ELMOD2: variants seen among roughly 807,000 people sequenced by gnomAD.
ELMOD2 encodes the protein ELMO domain-containing protein 2.
Under a neutral mutation model 41.0 loss-of-function variants are expected in ELMOD2, and 28 were observed. The ratio of observed to expected loss-of-function variants is 0.68; its 90% CI spans 0.51 to 0.94. ELMOD2 has a LOEUF of 0.94. Ranked by LOEUF, ELMOD2 falls within the 40% of genes least tolerant of loss-of-function variation. The pLI, the probability that ELMOD2 is intolerant of heterozygous loss-of-function variation, is 0.00. For missense variants in ELMOD2, 333 were observed against 343.1 expected, an observed-to-expected ratio of 0.97 and a Z score of 0.23; for synonymous variants, 106 against 107.2, an observed-to-expected ratio of 0.99 and a Z score of 0.07.
intron 3 of ELMOD2, among the ~76,000 whole-genome samples, chr4:140,534,103 C>T (rs1734834972): frequency 6.6e-6 from 1 of 151,798 alleles, no homozygotes; most frequent in South Asian, 2.1e-4. Context: ...ATATATTTAC[C>T]AAAAGTATAA....
chr4:140,538,988 A>T (rs1284645252), intron 5 of ELMOD2, among the ~76,000 whole-genome samples: 1 of 152,212 alleles, frequency 6.6e-6, no homozygotes, highest in Non-Finnish European at 1.5e-5. Context: ...TGCAGAATTC[A>T]TGGAGAGAGG....
intron 3 of ELMOD2, among the ~76,000 whole-genome samples, chr4:140,532,331 T>G (rs1408690447): frequency 1.3e-5 from 2 of 152,032 alleles, no homozygotes; most frequent in African/African-American, 2.4e-5. Context: ...CATGCCTGGC[T>G]AATTTTTGTA....
At chr4:140,549,224 T>A (rs1200326803) in intron 8 of ELMOD2, among the ~76,000 whole-genome samples, 1 of 152,196 alleles carries the variant, frequency 6.6e-6, no homozygotes, top group Non-Finnish European at 1.5e-5. Flanking sequence ...TGTTATTTTT[T>A]AAAAATTGAC....
intron 5 of ELMOD2, among the ~76,000 whole-genome samples, chr4:140,539,791 G>C (rs1234256558): frequency 6.6e-6 from 1 of 151,954 alleles, no homozygotes; most frequent in Non-Finnish European, 1.5e-5. Flanking sequence ...TTTTCATTCT[G>C]ATTAGGGACT....
chr4:140,543,180 CT>C lies in ELMOD2; in HGVS notation c.603-272del, dbSNP rs571603345. Among the ~76,000 whole-genome samples, 22 of 152,034 alleles carry C rather than the reference CT, an allele frequency of 1.4e-4. No homozygotes were observed. The South Asian group carries it at 2.3e-3, about 16-fold the overall frequency. The stretch of plus-strand genomic sequence containing the variant: ...ATGAGATTTGGTGTCTATAGTCCCC[CT>C]GACCCCTTTTTTATTTAAGAATTTT... On this transcript the variant is annotated intron_variant, in intron 7 of 8. Coordinates refer to ENST00000323570, the MANE Select transcript of ELMOD2 (RefSeq NM_153702.4).
At chr4:140,534,335 A>T (rs1372325024) in intron 3 of ELMOD2, among the ~76,000 whole-genome samples, 1 of 152,180 alleles carries the variant, frequency 6.6e-6, no homozygotes, top group Non-Finnish European at 1.5e-5. Flanking sequence ...GATTCCATTT[A>T]TGGGCATACA....
chr4:140,553,135 C>T lies in ELMOD2; in HGVS notation c.*2760C>T, dbSNP rs186368938. 2.6e-5 allele frequency: 4 copies of T among 152,234 alleles called. No homozygotes were observed. The highest frequency in any genetic ancestry group is 1.3e-4 in the Admixed American group (2 of 15,286). 9.4% of individuals were successfully genotyped at this position (152,234 alleles called of 1,614,324 possible). A position where few individuals can be genotyped will look rare whatever the true frequency, so the allele number is the denominator to read the frequency against. ...TACTATAATTGCTCATGCACTCTTT[C>T]TCCCCTTTGAGAACATTCAGTGAAA... is the stretch of plus-strand genomic sequence containing the variant. On this transcript the variant is annotated 3_prime_UTR_variant, in exon 9 of 9. Transcript: ENST00000323570.
intron 4 of ELMOD2, among the ~76,000 whole-genome samples, chr4:140,536,907 T>TA (rs894626378): frequency 6.6e-6 from 1 of 152,128 alleles, no homozygotes; most frequent in African/African-American, 2.4e-5. Context: ...GATCTTTTGA[T>TA]ACATTGTGAT....
intron 3 of ELMOD2, 57 bp downstream of exon 3, chr4:140,527,551 T>TA (rs752751672): frequency 0.1 from 106,956 of 1,058,172 alleles, 14 homozygotes; most frequent in South Asian, 0.13. Context: ...TATTTTTTCT[T>TA]AAAAAAAAAA....
rs1336465937 is a variant in ELMOD2, at chr4:140,551,900, C to T, written c.*1525C>T. ...AAAGTGCTTGCGTTAAAATTAGTTT[C>T]TCAATAAGATAAAATTATTTTAAAA... On this transcript the variant is annotated 3_prime_UTR_variant, in exon 9 of 9. Coordinates refer to ENST00000323570, the MANE Select transcript of ELMOD2 (RefSeq NM_153702.4). 1 of 151,946 alleles carries T rather than the reference C, an allele frequency of 6.6e-6. No homozygotes were observed. Among genetic ancestry groups the T allele is most frequent in the African/African-American group, 2.4e-5 (1 of 41,418 alleles). The allele number at this position is 151,946 out of a possible 1,614,324, so 9.4% of individuals were successfully genotyped here.
At chr4:140,534,845 C>G (rs1010727020) in intron 3 of ELMOD2, among the ~76,000 whole-genome samples, 59 of 152,100 alleles carry the variant, frequency 3.9e-4, no homozygotes, top group Non-Finnish European at 2.9e-5. Flanking sequence ...GTAGGTAACT[C>G]TAGGGCTGGG....
intron 5 of ELMOD2, among the ~76,000 whole-genome samples, chr4:140,538,325 G>T (rs189185576): frequency 9.2e-5 from 14 of 152,240 alleles, no homozygotes; most frequent in Admixed American, 5.2e-4. Context: ...AGAAAATAGC[G>T]CATTGCAGTT....
intron 3 of ELMOD2, among the ~76,000 whole-genome samples, chr4:140,529,483 T>G (rs78612071): frequency 4.0e-4 from 61 of 152,294 alleles, no homozygotes; most frequent in African/African-American, 1.3e-3. Flanking sequence ...AGTAGTGTGT[T>G]CCTCCAAATA....
At chr4:140,544,893 C>G (rs1329035584) in intron 8 of ELMOD2, among the ~76,000 whole-genome samples, 2 of 152,030 alleles carry the variant, frequency 1.3e-5, no homozygotes, top group African/African-American at 4.8e-5. Context: ...GTTCTAGGCC[C>G]TGGGGATGTA....
At chr4:140,535,355 A>G (rs1200336973) in intron 3 of ELMOD2, 1 of 172,094 alleles carries the variant, frequency 5.8e-6, no homozygotes, top group Non-Finnish European at 1.2e-5. Context: ...CTCTGGAGAC[A>G]AGATTTTGAG....
intron 2 of ELMOD2, 114 bp from the exon 3 acceptor site, chr4:140,527,352 T>C (rs1734597930): frequency 1.2e-6 from 1 of 819,888 alleles, no homozygotes; most frequent in Admixed American, 2.5e-5. Flanking sequence ...AAATTATATC[T>C]CCTGGAACTA....
intron 3 of ELMOD2, among the ~76,000 whole-genome samples, chr4:140,533,309 T>C (rs1054757524): frequency 2.6e-5 from 4 of 152,128 alleles, no homozygotes; most frequent in African/African-American, 7.2e-5. Flanking sequence ...TTTAAGACTT[T>C]ATAGTCAAAA....
At chr4:140,542,714 G>A in intron 7 of ELMOD2, 72 bp downstream of exon 7, 1 of 1,040,942 alleles carries the variant, frequency 9.6e-7, no homozygotes. Flanking sequence ...TGAATTTGAA[G>A]GTATATCAAG....
At chr4:140,539,897 C>T (rs1172167863) in intron 5 of ELMOD2, among the ~76,000 whole-genome samples, 1 of 152,064 alleles carries the variant, frequency 6.6e-6, no homozygotes, top group African/African-American at 2.4e-5. Flanking sequence ...AGCAGTTTAC[C>T]AGTTCTGGGC....
Sources: allele counts gnomAD v4.1 joint callset (sites outside exome capture counted in the v4.1 genomes callset), GRCh38; gene constraint gnomAD v4.1.1; transcripts MANE v1.5; gene names NCBI Gene and HGNC (gene_info 2026-07-23, HGNC 2026-07-21).